The following GLIS3 variants were observed in gnomAD, a reference collection of about 807,000 sequenced individuals.
GLIS3 encodes zinc finger protein GLIS3.
Under a neutral mutation model 78.6 loss-of-function variants are expected in GLIS3, and 53 were observed. That is an observed-to-expected ratio of 0.67 (90% CI 0.54 to 0.85). GLIS3 has a LOEUF of 0.85. Among genes scored for constraint, GLIS3 ranks in the 40% least tolerant of loss-of-function variants. The probability of loss-of-function intolerance (pLI) is 0.00; values close to 1 mark genes in which losing one functional copy is unlikely to be tolerated. For missense variants in GLIS3, 1,703 were observed against 1,231.1 expected, an observed-to-expected ratio of 1.38 and a Z score of -5.74; for synonymous variants, 684 against 509.9, an observed-to-expected ratio of 1.34 and a Z score of -4.60.
intron 2 of GLIS3, among the ~76,000 whole-genome samples, chr9:4,155,026 T>A (rs1564126971): frequency 1.3e-5 from 2 of 152,168 alleles, no homozygotes; most frequent in Non-Finnish European, 2.9e-5. Context: ...GAAACTTTAT[T>A]TAGAATAAGG....
chr9:3,845,299 A>AT (rs1484591476), intron 9 of GLIS3, among the ~76,000 whole-genome samples: 3 of 152,352 alleles, frequency 2.0e-5, no homozygotes, highest in African/African-American at 7.2e-5. Context: ...AAATCAAGTC[A>AT]TAAAACAAAA....
chr9:3,906,784 G>A (rs986623575), intron 6 of GLIS3, among the ~76,000 whole-genome samples: 1 of 152,092 alleles, frequency 6.6e-6, no homozygotes, highest in Admixed American at 6.5e-5. Flanking sequence ...TGCTTAACAC[G>A]CAAGTCTCAA....
intron 2 of GLIS3, among the ~76,000 whole-genome samples, chr9:4,172,115 C>G (rs1455600429): frequency 6.6e-6 from 1 of 152,086 alleles, no homozygotes; most frequent in Non-Finnish European, 1.5e-5. Flanking sequence ...AGCTCTGCCT[C>G]CAAATGCTAA....
chr9:3,978,626 G>C (rs997528265), intron 4 of GLIS3, among the ~76,000 whole-genome samples: 6 of 151,704 alleles, frequency 4.0e-5, no homozygotes, highest in African/African-American at 1.5e-4. Context: ...GTGTATATGT[G>C]TGTATATATA....
At chr9:4,479,998 G>A in the GLIS3 span, among the ~76,000 whole-genome samples, 1 of 139,114 alleles carries the variant, frequency 7.2e-6, no homozygotes, top group East Asian at 2.2e-4. Context: ...CAGGTGATCC[G>A]CCCACCTTGG....
At chr9:4,181,429 T>C (rs185959967) in intron 2 of GLIS3, among the ~76,000 whole-genome samples, 45 of 152,368 alleles carry the variant, frequency 3.0e-4, no homozygotes, top group Non-Finnish European at 6.0e-4. Flanking sequence ...CTGTGCTCCA[T>C]GGCATCTAGT....
At chr9:4,375,503 T>G in the GLIS3 span, among the ~76,000 whole-genome samples, 1 of 152,212 alleles carries the variant, frequency 6.6e-6, no homozygotes, top group Non-Finnish European at 1.5e-5. Context: ...TCTGAAGATG[T>G]TTTCAGCTGA....
the GLIS3 span, among the ~76,000 whole-genome samples, chr9:4,400,612 A>T: frequency 6.6e-6 from 1 of 152,236 alleles, no homozygotes; most frequent in African/African-American, 2.4e-5. Context: ...TTCATTGTAG[A>T]TTAATTTCCC....
At chr9:3,843,338 A>G (rs778503159) in intron 9 of GLIS3, among the ~76,000 whole-genome samples, 4 of 152,138 alleles carry the variant, frequency 2.6e-5, no homozygotes, top group Non-Finnish European at 5.9e-5. Context: ...CCTCTGCTTC[A>G]TAGCTGAGTC....
the GLIS3 span, among the ~76,000 whole-genome samples, chr9:4,396,788 A>G: frequency 6.6e-6 from 1 of 152,294 alleles, no homozygotes; most frequent in East Asian, 1.9e-4. Context: ...AACCCAGGTT[A>G]TAACTCTGTT....
At chr9:4,332,110 C>T (rs1301293322) in intron 2 of GLIS3, among the ~76,000 whole-genome samples, 1 of 152,192 alleles carries the variant, frequency 6.6e-6, no homozygotes, top group Admixed American at 6.5e-5. Flanking sequence ...CCCATCCCAT[C>T]ACTAACTATT....
At chr9:3,955,736 A>T (rs1817058247) in intron 4 of GLIS3, among the ~76,000 whole-genome samples, 1 of 152,238 alleles carries the variant, frequency 6.6e-6, no homozygotes, top group Non-Finnish European at 1.5e-5. Flanking sequence ...AAAGCCATAG[A>T]GAATAATAAT....
intron 4 of GLIS3, among the ~76,000 whole-genome samples, chr9:4,040,159 G>A (rs1588513309): frequency 1.3e-5 from 2 of 152,008 alleles, no homozygotes; most frequent in South Asian, 2.1e-4. Context: ...TTTATGGAGG[G>A]GTGGTGATTT....
intron 2 of GLIS3, among the ~76,000 whole-genome samples, chr9:4,269,892 A>T (rs1026287367): frequency 1.3e-5 from 2 of 152,060 alleles, no homozygotes; most frequent in Admixed American, 6.5e-5. Context: ...TGAAACCTGG[A>T]AACAAGCCCA....
At chr9:4,358,747 C>A in the GLIS3 span, among the ~76,000 whole-genome samples, 6 of 152,148 alleles carry the variant, frequency 3.9e-5, no homozygotes, top group African/African-American at 1.4e-4. Context: ...TATGTGTGTA[C>A]ATATGTGTCC....
intron 4 of GLIS3, chr9:4,305,955 T>G (rs1047062694): frequency 2.6e-5 from 4 of 152,220 alleles, no homozygotes; most frequent in Non-Finnish European, 5.9e-5. Context: ...CAGCAACTTA[T>G]AGAGGTACCT....
chr9:4,333,238 G>GAGGGGAAGGAAAGGGAA, intron 2 of GLIS3, among the ~76,000 whole-genome samples: 1 of 145,308 alleles, frequency 6.9e-6, no homozygotes, highest in East Asian at 2.1e-4. Context: ...AGGAAAAGTG[G>GAGGGGAAGGAAAGGGAA]AGGGGAAGGA....
chr9:4,430,517 T>C, the GLIS3 span, among the ~76,000 whole-genome samples: 3 of 152,302 alleles, frequency 2.0e-5, no homozygotes, highest in African/African-American at 7.2e-5. Context: ...ATCTTAGCAA[T>C]AGTTATCCAA....
intron 4 of GLIS3, among the ~76,000 whole-genome samples, chr9:4,079,744 GAAA>G (rs557862210): frequency 1.6e-5 from 2 of 123,064 alleles, no homozygotes; most frequent in Admixed American, 1.7e-4. Context: ...AGATGGATGT[GAAA>G]AAAAAAAAAA....
Sources: allele counts gnomAD v4.1 joint callset (sites outside exome capture counted in the v4.1 genomes callset), GRCh38; gene constraint gnomAD v4.1.1; transcripts MANE v1.5; gene names NCBI Gene and HGNC (gene_info 2026-07-23, HGNC 2026-07-21).